The following ST6GALNAC3 variants were observed in gnomAD, a reference collection of about 807,000 sequenced individuals.
The protein encoded by ST6GALNAC3 is ST6 N-acetylgalactosaminide alpha-2,6-sialyltransferase 3, also known as alpha-N-acetylgalactosaminide alpha-2,6-sialyltransferase 3.
In ST6GALNAC3, 25 loss-of-function variants were observed where a neutral mutation model predicts 32.7. The ratio of observed to expected loss-of-function variants is 0.76; its 90% CI spans 0.56 to 1.07. The LOEUF (loss-of-function observed/expected upper bound fraction) is 1.07. ST6GALNAC3 is among the 50% of genes least tolerant of loss of function. The pLI is 0.00. For synonymous variants in ST6GALNAC3, 129 were observed against 133.1 expected, an observed-to-expected ratio of 0.97 and a Z score of 0.21; for missense variants, 355 against 382.4, an observed-to-expected ratio of 0.93 and a Z score of 0.60.
At chr1:76,405,029 C>T (rs10218675) in intron 2 of ST6GALNAC3, among the ~76,000 whole-genome samples, 12,327 of 151,920 alleles carry the variant, frequency 0.081, 1,606 homozygotes, top group African/African-American at 0.28. Flanking sequence ...ATTCATTTTC[C>T]GGATGGGGCT....
intron 3 of ST6GALNAC3, among the ~76,000 whole-genome samples, chr1:76,582,287 G>T (rs34514956): frequency 0.078 from 11,819 of 152,128 alleles, 504 homozygotes; most frequent in African/African-American, 0.11. Flanking sequence ...AGTTTGAGTT[G>T]TGCCTCCCAC....
At chr1:76,125,426 G>T (rs1272240269) in intron 1 of ST6GALNAC3, among the ~76,000 whole-genome samples, 1 of 152,106 alleles carries the variant, frequency 6.6e-6, no homozygotes, top group Non-Finnish European at 1.5e-5. Context: ...GGCTCCTCTG[G>T]GTGGGCTAGC....
At chr1:76,502,378 A>G (rs986379155) in intron 3 of ST6GALNAC3, among the ~76,000 whole-genome samples, 6 of 152,136 alleles carry the variant, frequency 3.9e-5, no homozygotes, top group Non-Finnish European at 8.8e-5. Flanking sequence ...AAAGACCACA[A>G]ACTGGGTGCC....
intron 3 of ST6GALNAC3, among the ~76,000 whole-genome samples, chr1:76,442,742 G>C (rs1656702979): frequency 6.6e-6 from 1 of 152,162 alleles, no homozygotes; most frequent in Non-Finnish European, 1.5e-5. Context: ...CCTTGGCATA[G>C]TCCCTTTTAG....
intron 3 of ST6GALNAC3, among the ~76,000 whole-genome samples, chr1:76,561,487 G>A (rs563343904): frequency 6.6e-6 from 1 of 152,146 alleles, no homozygotes; most frequent in African/African-American, 2.4e-5. Flanking sequence ...TCTCCCGAAA[G>A]AAGATATATA....
chr1:76,099,716 T>C (rs1647186671), intron 1 of ST6GALNAC3, among the ~76,000 whole-genome samples: 1 of 152,166 alleles, frequency 6.6e-6, no homozygotes, highest in Non-Finnish European at 1.5e-5. Context: ...GGCATGTGGG[T>C]ATCAACTGGG....
Position 76,531,873 on chromosome 1 carries a change from G to A in ST6GALNAC3, c.624-95579G>A, listed in dbSNP as rs545836808. ...GCTGCCCAGCAACATTGGAGTTTGC[G>A]GCGCTCCCTAGGTGTGTCAGAGACA... On this transcript the variant is annotated intron_variant, in intron 3 of 4. Transcript: ENST00000328299. Among the ~76,000 whole-genome samples, 294 of 152,190 alleles carry A rather than the reference G, an allele frequency of 1.9e-3. 2 individuals carry two copies. The highest frequency in any genetic ancestry group is 6.7e-3 in the African/African-American group (277 of 41,542).
At chr1:76,460,228 A>G (rs1237837784) in intron 3 of ST6GALNAC3, among the ~76,000 whole-genome samples, 1 of 152,158 alleles carries the variant, frequency 6.6e-6, no homozygotes, top group East Asian at 1.9e-4. Context: ...TTTCCTAATG[A>G]CTAATGACAT....
chr1:76,111,840 T>A (rs1450728168), intron 1 of ST6GALNAC3, among the ~76,000 whole-genome samples: 3 of 151,078 alleles, frequency 2.0e-5, no homozygotes, highest in South Asian at 4.2e-4. Flanking sequence ...GTCTACCTCT[T>A]TCTACACAGA....
At chr1:76,253,635 G>T (rs1188654931) in intron 1 of ST6GALNAC3, among the ~76,000 whole-genome samples, 1 of 152,030 alleles carries the variant, frequency 6.6e-6, no homozygotes, top group African/African-American at 2.4e-5. Flanking sequence ...AGTTCAATTG[G>T]AGCCTGCCCG....
intron 2 of ST6GALNAC3, among the ~76,000 whole-genome samples, chr1:76,350,481 G>C (rs186128800): frequency 6.6e-6 from 1 of 152,070 alleles, no homozygotes; most frequent in Non-Finnish European, 1.5e-5. Context: ...TTAAGAAAAA[G>C]AACATGAAAA....
chr1:76,193,631 T>C (rs1654032348), intron 1 of ST6GALNAC3, among the ~76,000 whole-genome samples: 1 of 152,218 alleles, frequency 6.6e-6, no homozygotes, highest in Non-Finnish European at 1.5e-5. Flanking sequence ...ATATTTGTTG[T>C]GCTTATGATG....
At chr1:76,119,303 C>G (rs1184863777) in intron 1 of ST6GALNAC3, among the ~76,000 whole-genome samples, 1 of 152,172 alleles carries the variant, frequency 6.6e-6, no homozygotes, top group Non-Finnish European at 1.5e-5. Flanking sequence ...AAATTTCACA[C>G]TAGAACATAT....
At chr1:76,270,057 C>T (rs939264476) in intron 1 of ST6GALNAC3, among the ~76,000 whole-genome samples, 1 of 152,048 alleles carries the variant, frequency 6.6e-6, no homozygotes, top group African/African-American at 2.4e-5. Context: ...TCCATACCCC[C>T]CAAATAGTGG....
chr1:76,303,368 C>T (rs1184809862), intron 1 of ST6GALNAC3, among the ~76,000 whole-genome samples: 1 of 151,858 alleles, frequency 6.6e-6, no homozygotes, highest in African/African-American at 2.4e-5. Flanking sequence ...CCTTTTGTTA[C>T]CTAGCCAGTG....
At chr1:76,094,882 C>G (rs891927408) in intron 1 of ST6GALNAC3, among the ~76,000 whole-genome samples, 2 of 151,984 alleles carry the variant, frequency 1.3e-5, no homozygotes, top group Non-Finnish European at 2.9e-5. Context: ...CCCCACCCCC[C>G]ACCGTTCCTT....
intron 3 of ST6GALNAC3, among the ~76,000 whole-genome samples, chr1:76,579,564 C>G (rs1399411763): frequency 6.6e-6 from 1 of 151,954 alleles, no homozygotes; most frequent in Non-Finnish European, 1.5e-5. Context: ...CATTGCTTGT[C>G]CATAGATTGA....
At chr1:76,310,469 AG>A (rs1646740246) in intron 1 of ST6GALNAC3, among the ~76,000 whole-genome samples, 1 of 152,146 alleles carries the variant, frequency 6.6e-6, no homozygotes, top group Admixed American at 6.6e-5. Context: ...TTGGAAGATT[AG>A]GCTGGCGAGA....
intron 3 of ST6GALNAC3, among the ~76,000 whole-genome samples, chr1:76,479,973 G>A (rs1404449721): frequency 6.6e-6 from 1 of 152,104 alleles, no homozygotes; most frequent in Non-Finnish European, 1.5e-5. Context: ...TAAATACAAT[G>A]TACTGACCTG....
Sources: gnomAD v4.1 joint callset for allele counts (sites outside exome capture counted in the v4.1 genomes callset) on GRCh38, gnomAD v4.1.1 for gene constraint, MANE v1.5 for transcripts, NCBI Gene and HGNC (gene_info 2026-07-23, HGNC 2026-07-21) for gene names.